Variants in PHACTR1 observed in about 807,000 individuals in gnomAD.
PHACTR1 encodes the protein phosphatase and actin regulator 1.
Under a neutral mutation model 69.2 loss-of-function variants are expected in PHACTR1, and 16 were observed. The ratio of observed to expected loss-of-function variants is 0.23; its 90% CI spans 0.16 to 0.35. The LOEUF is 0.35. PHACTR1 is among the 10% of genes least tolerant of loss of function. The pLI is 1.00. For synonymous variants in PHACTR1, 312 were observed against 284.5 expected (o/e 1.10, Z -0.97); for missense variants, 510 against 734.7 (o/e 0.69, Z 3.54).
intron 4 of PHACTR1, among the ~76,000 whole-genome samples, chr6:12,830,354 A>G (rs1777402197): frequency 6.6e-6 from 1 of 151,780 alleles, no homozygotes; most frequent in African/African-American, 2.4e-5. Flanking sequence ...AAAGCTGTGA[A>G]AAAGGCATTG....
intron 7 of PHACTR1, among the ~76,000 whole-genome samples, chr6:13,204,426 G>T (rs927565830): frequency 6.6e-6 from 1 of 151,900 alleles, no homozygotes; most frequent in African/African-American, 2.4e-5. Flanking sequence ...CCTCCCTGCT[G>T]TGCTGTTCCA....
chr6:13,211,489 A>G (rs1766838260), intron 8 of PHACTR1, among the ~76,000 whole-genome samples: 1 of 152,176 alleles, frequency 6.6e-6, no homozygotes, highest in Non-Finnish European at 1.5e-5. Flanking sequence ...TCCTATTAGT[A>G]AAATGAAGGT....
chr6:12,953,071 T>C (rs6906017), intron 4 of PHACTR1, among the ~76,000 whole-genome samples: 47,811 of 151,908 alleles, frequency 0.31, 12,000 homozygotes, highest in African/African-American at 0.7. Context: ...GCCTGTAATC[T>C]CAGCACTTTG....
chr6:12,995,509 T>C (rs1282656791), intron 4 of PHACTR1, among the ~76,000 whole-genome samples: 2 of 151,952 alleles, frequency 1.3e-5, no homozygotes, highest in Non-Finnish European at 2.9e-5. Flanking sequence ...TTAAATAAAA[T>C]AGATTTTAAA....
intron 5 of PHACTR1, among the ~76,000 whole-genome samples, chr6:13,151,002 G>A (rs1824223445): frequency 6.6e-6 from 1 of 152,200 alleles, no homozygotes; most frequent in Non-Finnish European, 1.5e-5. Context: ...AGCCAGATGG[G>A]AAGTGGAGGC....
chr6:12,791,490 A>C (rs1024506982), intron 4 of PHACTR1, among the ~76,000 whole-genome samples: 4 of 152,210 alleles, frequency 2.6e-5, no homozygotes. Flanking sequence ...CCTCAGAGTG[A>C]AGAAGCCAGT....
chr6:13,016,286 T>G lies in PHACTR1; in HGVS notation c.251-37079T>G, dbSNP rs141988648. Reference sequence around the variant, plus strand: ...GTTCAGGCTCTATAGAGGAAGGTGCTTCTTAAGGTGAGGCACACCTGTATT... The same window carrying G: ...GTTCAGGCTCTATAGAGGAAGGTGCGTCTTAAGGTGAGGCACACCTGTATT... On this transcript the variant is annotated intron_variant, in intron 4 of 14. Transcript: ENST00000332995. Among the ~76,000 whole-genome samples the G allele has an allele frequency of 2.3e-3, 354 of 152,348 alleles. 1 individual carries two copies. The highest frequency in any genetic ancestry group is 0.01 in the Middle Eastern group (3 of 294).
chr6:13,139,876 T>C (rs1213269092), intron 5 of PHACTR1, among the ~76,000 whole-genome samples: 3 of 152,200 alleles, frequency 2.0e-5, no homozygotes, highest in Non-Finnish European at 2.9e-5. Flanking sequence ...TACTCATGCT[T>C]TTGACAAAAT....
intron 4 of PHACTR1, among the ~76,000 whole-genome samples, chr6:12,858,450 G>A (rs1185652604): frequency 6.6e-6 from 1 of 152,208 alleles, no homozygotes. Context: ...GATAATAGTG[G>A]CACATTTGCT....
intron 6 of PHACTR1, among the ~76,000 whole-genome samples, chr6:13,174,709 A>G (rs900617797): frequency 6.9e-6 from 1 of 144,996 alleles, no homozygotes; most frequent in African/African-American, 2.6e-5. Context: ...AAATTAAATC[A>G]CATACATTCT....
chr6:12,954,928 C>A (rs546454975), intron 4 of PHACTR1, among the ~76,000 whole-genome samples: 1 of 152,278 alleles, frequency 6.6e-6, no homozygotes, highest in Middle Eastern at 3.4e-3. Flanking sequence ...TAACCACTAA[C>A]CACATGTGGC....
chr6:13,275,587 G>A lies in PHACTR1; in HGVS notation c.1447+2672G>A, dbSNP rs1375038202. 1 of 151,914 alleles carries A rather than the reference G, an allele frequency of 6.6e-6. No homozygotes were observed. 9.4% of individuals were successfully genotyped at this position (151,914 alleles called of 1,614,324 possible). A position where few individuals can be genotyped will look rare whatever the true frequency, so the allele number is the denominator to read the frequency against. ...AGTCTGAGGCTAGTAATGAGGAGGA[G>A]AGCCGGCCCCACACAAAACATGACC... On this transcript the variant is annotated intron_variant, in intron 11 of 14. Coordinates refer to ENST00000332995, the MANE Select transcript of PHACTR1 (RefSeq NM_030948.6). This position sits in a 1 kb window ranked among gnomAD's most constrained non-coding sequence, Gnocchi z 4.0.
intron 7 of PHACTR1, among the ~76,000 whole-genome samples, chr6:13,199,715 T>C (rs1213473231): frequency 3.3e-5 from 5 of 151,940 alleles, no homozygotes; most frequent in African/African-American, 1.2e-4. Context: ...GTCTAAAACA[T>C]CCTTAAAGTT....
At chr6:12,941,153 C>T (rs1254157944) in intron 4 of PHACTR1, among the ~76,000 whole-genome samples, 1 of 152,158 alleles carries the variant, frequency 6.6e-6, no homozygotes, top group Non-Finnish European at 1.5e-5. Flanking sequence ...TGTAGTTCAC[C>T]TACAGAAAAC....
At chr6:13,054,489 AAGTCCTAGATCAAGTTGC>A (rs886467501) in intron 5 of PHACTR1, among the ~76,000 whole-genome samples, 3 of 152,180 alleles carry the variant, frequency 2.0e-5, no homozygotes, top group African/African-American at 7.2e-5. Flanking sequence ...TGGAGGCTGG[AAGTCCTAGATCAAGTTGC>A]TGACAAGATA....
chr6:12,901,462 A>G (rs1233180016), intron 4 of PHACTR1, among the ~76,000 whole-genome samples: 1 of 152,126 alleles, frequency 6.6e-6, no homozygotes, highest in East Asian at 1.9e-4. Context: ...GGAGGGAGAG[A>G]GGGCAGAGAA....
chr6:12,866,647 C>G (rs115054429), intron 4 of PHACTR1, among the ~76,000 whole-genome samples: 12 of 152,182 alleles, frequency 7.9e-5, no homozygotes, highest in African/African-American at 2.7e-4. Flanking sequence ...ATATTCACAA[C>G]GTACCATTTA....
chr6:12,766,555 G>A (rs1032374621), intron 4 of PHACTR1, among the ~76,000 whole-genome samples: 4 of 152,120 alleles, frequency 2.6e-5, no homozygotes, highest in Non-Finnish European at 4.4e-5. Flanking sequence ...GATTAGTGAC[G>A]TCATATTGGT....
intron 4 of PHACTR1, among the ~76,000 whole-genome samples, chr6:12,839,900 G>T (rs1440045383): frequency 6.6e-6 from 1 of 151,802 alleles, no homozygotes; most frequent in East Asian, 1.9e-4. Context: ...CATAAAGCAA[G>T]AACAGAGGAT....
Sources: allele counts gnomAD v4.1 joint callset (sites outside exome capture counted in the v4.1 genomes callset), GRCh38; gene constraint gnomAD v4.1.1; non-coding constraint Gnocchi (gnomAD v3.1); transcripts MANE v1.5; gene names NCBI Gene and HGNC (gene_info 2026-07-23, HGNC 2026-07-21).